SLIT2: variants seen among roughly 807,000 people sequenced by gnomAD.
The protein encoded by SLIT2 is slit homolog 2 protein.
SLIT2 carries 41 observed loss-of-function variants against 185.7 expected under a neutral mutation model. That is an observed-to-expected ratio of 0.22 (90% CI 0.17 to 0.29). The LOEUF is 0.29. Ranked by LOEUF, SLIT2 falls within the 10% of genes least tolerant of loss-of-function variation. SLIT2 has a pLI of 1.00. For missense variants in SLIT2, 1,571 were observed against 1,909.0 expected (o/e 0.82, Z 3.30); for synonymous variants, 693 against 680.2 (o/e 1.02, Z -0.29).
chr4:20,488,816 T>C lies in SLIT2; in HGVS notation c.612-3T>C. The C allele has an allele frequency of 6.4e-7, 1 of 1,572,592 alleles. No homozygotes were observed. The highest frequency in any genetic ancestry group is 1.2e-5 in the South Asian group (1 of 85,958). ...GCTTTACACTTCTTTTTTTCTCATT[T>C]AGTCGACTGCATTCAAACAACCTGT... On this transcript the variant is annotated splice_region_variant and splice_polypyrimidine_tract_variant and intron_variant, in intron 7 of 36. Coordinates refer to ENST00000504154, the MANE Select transcript of SLIT2 (RefSeq NM_004787.4).
intron 4 of SLIT2, among the ~76,000 whole-genome samples, chr4:20,378,209 T>C (rs1724194647): frequency 6.6e-6 from 1 of 152,152 alleles, no homozygotes; most frequent in Admixed American, 6.6e-5. Context: ...AAAATCAGTT[T>C]TACAAAAGGT....
chr4:20,324,878 A>G (rs1253474284), intron 4 of SLIT2, among the ~76,000 whole-genome samples: 1 of 152,162 alleles, frequency 6.6e-6, no homozygotes, highest in Admixed American at 6.5e-5. Flanking sequence ...AGATTGGTGC[A>G]AAAGTGCCAC....
At position 20,260,684 on chromosome 4, in the gene SLIT2, C is replaced by T. The variant is rs1166429845; in HGVS notation, c.323+2745C>T. Among the ~76,000 whole-genome samples the T allele has an allele frequency of 3.3e-5, 5 of 151,754 alleles. No individual in the cohort carries two copies. In the East Asian group the frequency reaches 9.7e-4, roughly 29 times the overall value. ...CCTTTTAAAAATTCAGCTTTTTAAT[C>T]TGCAAGAAACAGTCATGTTGTTGAT... On this transcript the variant is annotated intron_variant, in intron 3 of 36. Transcript: ENST00000504154.
At chr4:20,514,612 T>A (rs933197301) in intron 11 of SLIT2, among the ~76,000 whole-genome samples, 4 of 152,072 alleles carry the variant, frequency 2.6e-5, no homozygotes, top group Non-Finnish European at 5.9e-5. Context: ...ACCACTGCAC[T>A]CCAGCCTGGG....
At chr4:20,612,656 G>A (rs1450002086) in intron 34 of SLIT2, among the ~76,000 whole-genome samples, 4 of 152,096 alleles carry the variant, frequency 2.6e-5, no homozygotes, top group South Asian at 2.1e-4. Context: ...GGTGGCTCAC[G>A]TCCGTAATCC....
intron 4 of SLIT2, among the ~76,000 whole-genome samples, chr4:20,433,089 A>G (rs1339545882): frequency 6.6e-6 from 1 of 152,200 alleles, no homozygotes; most frequent in Non-Finnish European, 1.5e-5. Context: ...AAATACCTTC[A>G]AACTCTGTGT....
chr4:20,298,420 G>T (rs183474353), intron 4 of SLIT2, among the ~76,000 whole-genome samples: 164 of 152,132 alleles, frequency 1.1e-3, no homozygotes, highest in Non-Finnish European at 1.9e-3. Context: ...GAAAGGAAAT[G>T]GTCTTATAGG....
intron 30 of SLIT2, among the ~76,000 whole-genome samples, chr4:20,592,972 T>A (rs1449154558): frequency 6.6e-6 from 1 of 152,208 alleles, no homozygotes; most frequent in Non-Finnish European, 1.5e-5. Context: ...TTTGTTTTAA[T>A]TCTTCCGCTC....
intron 4 of SLIT2, among the ~76,000 whole-genome samples, chr4:20,313,008 G>T (rs1264736590): frequency 6.6e-6 from 1 of 152,056 alleles, no homozygotes; most frequent in Admixed American, 6.6e-5. Flanking sequence ...CTATGATTGG[G>T]TTAACTGTTT....
Position 20,463,545 on chromosome 4 carries a change from G to GTGTA in SLIT2, c.396-4206_396-4205insGTAT, listed in dbSNP as rs570394768. 7.4e-5 allele frequency among the ~76,000 whole-genome samples: 10 copies of GTGTA among 134,338 alleles called. 1 individual carries two copies. Among genetic ancestry groups the GTGTA allele is most frequent in the South Asian group, 2.5e-4 (1 of 4,080 alleles). 88.1% of individuals were successfully genotyped at this position (134,338 alleles called of 152,430 possible). Reference sequence around the variant, plus strand: ...TGTGTGTGTGTGTGTGTGTGTGTGTGTATATGTATATCTCACATCTCTCCA... The same window carrying GTGTA: ...TGTGTGTGTGTGTGTGTGTGTGTGTGTGTATATATGTATATCTCACATCTCTCCA... On this transcript the variant is annotated intron_variant, in intron 4 of 36. Transcript: ENST00000504154.
chr4:20,280,643 A>G (rs891996194), intron 4 of SLIT2, among the ~76,000 whole-genome samples: 4 of 152,100 alleles, frequency 2.6e-5, no homozygotes, highest in African/African-American at 7.2e-5. Flanking sequence ...CTGTTTTTCA[A>G]AAATTTACAG....
intron 4 of SLIT2, among the ~76,000 whole-genome samples, chr4:20,404,129 G>C (rs1416503501): frequency 1.3e-5 from 2 of 151,936 alleles, no homozygotes; most frequent in African/African-American, 4.8e-5. Flanking sequence ...GTCAACAACA[G>C]AGAACATACT....
At chr4:20,395,853 C>T (rs1725846698) in intron 4 of SLIT2, among the ~76,000 whole-genome samples, 1 of 151,828 alleles carries the variant, frequency 6.6e-6, no homozygotes, top group Non-Finnish European at 1.5e-5. Context: ...GTAACAAAGA[C>T]ACACATTTTT....
intron 4 of SLIT2, among the ~76,000 whole-genome samples, chr4:20,449,711 A>G (rs1401938427): frequency 6.6e-6 from 1 of 152,128 alleles, no homozygotes; most frequent in Non-Finnish European, 1.5e-5. Context: ...CCGGCCAAAA[A>G]AACATTTTTT....
At chr4:20,305,333 A>G (rs1717438711) in intron 4 of SLIT2, among the ~76,000 whole-genome samples, 1 of 152,204 alleles carries the variant, frequency 6.6e-6, no homozygotes, top group Non-Finnish European at 1.5e-5. Context: ...AGATCACAAC[A>G]CGTGGGAAAA....
chr4:20,278,867 C>G lies in SLIT2; in HGVS notation c.395+9986C>G, dbSNP rs547486784. Among the ~76,000 whole-genome samples, 1,079 of 152,000 alleles carry G rather than the reference C, an allele frequency of 7.1e-3. 1 individual carries two copies. Among genetic ancestry groups the G allele is most frequent in the Non-Finnish European group, 0.012 (786 of 67,998 alleles). ...AAGCGAGAGGTGGGCATACTGAGTG[C>G]TTAAGAAACGTACAGAAGAAGAATA... is the stretch of plus-strand genomic sequence containing the variant. On this transcript the variant is annotated intron_variant, in intron 4 of 36. Transcript: ENST00000504154.
At chr4:20,588,391 A>C (rs920877077) in intron 29 of SLIT2, among the ~76,000 whole-genome samples, 1 of 152,160 alleles carries the variant, frequency 6.6e-6, no homozygotes, top group African/African-American at 2.4e-5. Flanking sequence ...CTAGCAGTGT[A>C]TTATTTTAAA....
chr4:20,287,087 T>C (rs1239788469), intron 4 of SLIT2, among the ~76,000 whole-genome samples: 1 of 152,172 alleles, frequency 6.6e-6, no homozygotes, highest in Non-Finnish European at 1.5e-5. Context: ...CTTCAAGTTG[T>C]CTAAGTGGTC....
intron 9 of SLIT2, among the ~76,000 whole-genome samples, chr4:20,506,016 C>G (rs1378085977): frequency 6.6e-6 from 1 of 152,008 alleles, no homozygotes; most frequent in Non-Finnish European, 1.5e-5. Flanking sequence ...TTCTCATATA[C>G]TGAGCATGTA....
Sources: allele counts gnomAD v4.1 joint callset (sites outside exome capture counted in the v4.1 genomes callset), GRCh38; gene constraint gnomAD v4.1.1; transcripts MANE v1.5; gene names NCBI Gene and HGNC (gene_info 2026-07-23, HGNC 2026-07-21).